Variants in IL17B observed in about 807,000 individuals in gnomAD.
IL17B encodes interleukin-17B.
Under a neutral mutation model 14.7 loss-of-function variants are expected in IL17B, and 14 were observed. The observed-to-expected ratio is 0.95, with a 90% CI of 0.63 to 1.49. The LOEUF is 1.49. Among genes scored for constraint, IL17B ranks in the 40% most tolerant of loss-of-function variants. IL17B has a pLI of 0.00. For missense variants in IL17B, 233 were observed against 252.8 expected, an observed-to-expected ratio of 0.92 and a Z score of 0.53; for synonymous variants, 105 against 94.8, an observed-to-expected ratio of 1.11 and a Z score of -0.62.
intron 1 of IL17B, among the ~76,000 whole-genome samples, chr5:149,386,808 C>A (rs762975492): frequency 6.6e-6 from 1 of 152,172 alleles, no homozygotes; most frequent in Admixed American, 6.5e-5. Context: ...CGGGTTCAAG[C>A]GATTCTCATG....
intron 1 of IL17B, among the ~76,000 whole-genome samples, chr5:149,387,877 G>A (rs924407024): frequency 1.3e-5 from 2 of 151,710 alleles, no homozygotes; most frequent in Non-Finnish European, 2.9e-5. Flanking sequence ...TTTTACAGAA[G>A]AAGAAATTGA....
chr5:149,377,871 T>C (rs2227451), intron 1 of IL17B, among the ~76,000 whole-genome samples: 46,664 of 151,672 alleles, frequency 0.31, 7,259 homozygotes, highest in African/African-American at 0.33. Context: ...TGGCCGGGCG[T>C]GGTGGCTCAC....
intron 1 of IL17B, among the ~76,000 whole-genome samples, chr5:149,393,753 C>T (rs998885548): frequency 1.3e-5 from 2 of 152,060 alleles, no homozygotes; most frequent in Non-Finnish European, 2.9e-5. Flanking sequence ...TTATTTAAGC[C>T]CCTGGATCCA....
Position 149,376,764 on chromosome 5 carries a change from T to C in IL17B, c.283A>G (p.Lys95Glu). Residue 95 changes from lysine (K) to glutamate (E), a missense_variant, in exon 2 of 3, where the codon AAG (lysine) becomes GAG (glutamate). Physicochemically the swap from Lys to Glu is moderately conservative, Grantham distance 56. Coordinates refer to ENST00000261796, the MANE Select transcript of IL17B (RefSeq NM_014443.3). ...EVNLQLWMSNKRSLSPWGYSI... is the reference protein window; with the variant it reads ...EVNLQLWMSNERSLSPWGYSI... ...TAGCCCCAGGGAGACAGGCTCCTCTTGTTGGACATCCACAGCTGCAAGTTG... is the reference window on the plus strand; with the variant it reads ...TAGCCCCAGGGAGACAGGCTCCTCTCGTTGGACATCCACAGCTGCAAGTTG... The C allele has an allele frequency of 6.2e-7, 1 of 1,612,450 alleles. No individual in the cohort carries two copies. Among genetic ancestry groups the C allele is most frequent in the Non-Finnish European group, 8.5e-7 (1 of 1,179,148 alleles).
At chr5:149,394,103 AAGAT>A (rs1241743181) in intron 1 of IL17B, among the ~76,000 whole-genome samples, 1 of 152,266 alleles carries the variant, frequency 6.6e-6, no homozygotes, top group East Asian at 1.9e-4. Context: ...TTGCCACAGT[AAGAT>A]AGGCAATAAA....
intron 1 of IL17B, among the ~76,000 whole-genome samples, chr5:149,388,936 G>A (rs1472644548): frequency 6.6e-6 from 1 of 152,162 alleles, no homozygotes; most frequent in Non-Finnish European, 1.5e-5. Context: ...TGTTAAATGA[G>A]GACAATGAGA....
At position 149,378,951 on chromosome 5, in the gene IL17B, G is replaced by A. The variant is rs374676080; in HGVS notation, c.21+254C>T. On this transcript the variant is annotated intron_variant, in intron 1 of 2. Transcript: ENST00000261796. ...AAAAACCCCGATAACTGAGTTTGCCGGGATCTCCCCAGACGCCTCTGGTCT... is the reference window on the plus strand; with the variant it reads ...AAAAACCCCGATAACTGAGTTTGCCAGGATCTCCCCAGACGCCTCTGGTCT... Among the ~76,000 whole-genome samples, 12 of 152,288 alleles carry A rather than the reference G, an allele frequency of 7.9e-5. No homozygotes were observed. In the East Asian group the frequency reaches 9.7e-4, roughly 12 times the overall value.
intron 1 of IL17B, among the ~76,000 whole-genome samples, chr5:149,395,884 G>C (rs1759083185): frequency 6.6e-6 from 1 of 152,096 alleles, no homozygotes; most frequent in Non-Finnish European, 1.5e-5. Context: ...TGTTGGCCAG[G>C]CTGGTCTTGA....
At chr5:149,377,563 C>G (rs1420317811) in intron 1 of IL17B, among the ~76,000 whole-genome samples, 3 of 152,166 alleles carry the variant, frequency 2.0e-5, no homozygotes, top group Non-Finnish European at 2.9e-5. Context: ...AATGGCTGTC[C>G]CCATCGCTGC....
At chr5:149,392,839 C>T (rs1038128070) in intron 1 of IL17B, among the ~76,000 whole-genome samples, 60 of 152,208 alleles carry the variant, frequency 3.9e-4, no homozygotes, top group African/African-American at 1.4e-3. Flanking sequence ...ACCTTTGAGT[C>T]AATAACGTCA....
chr5:149,400,585 AGTGGAG>A (rs2127623324), intron 1 of IL17B, among the ~76,000 whole-genome samples: 1 of 152,346 alleles, frequency 6.6e-6, no homozygotes, highest in East Asian at 1.9e-4. Context: ...TTCACATGAC[AGTGGAG>A]CTCCCCCTCC....
At chr5:149,383,877 C>T (rs985833279), upstream of IL17B, among the ~76,000 whole-genome samples, 3 of 152,208 alleles carry the variant, frequency 2.0e-5, no homozygotes, top group African/African-American at 7.2e-5. Flanking sequence ...TGGTCTTGTT[C>T]ACTGGAGACT....
intron 1 of IL17B, among the ~76,000 whole-genome samples, chr5:149,391,662 G>A (rs920812516): frequency 6.6e-6 from 1 of 152,152 alleles, no homozygotes. Context: ...CATCTCTCAA[G>A]TGTCATTCCT....
intron 1 of IL17B, among the ~76,000 whole-genome samples, chr5:149,378,173 G>A (rs1561711037): frequency 6.6e-6 from 1 of 152,136 alleles, no homozygotes; most frequent in Non-Finnish European, 1.5e-5. Flanking sequence ...TTGCTGAATC[G>A]AATGGAATGT....
At chr5:149,384,144 T>A (rs796981888), upstream of IL17B, among the ~76,000 whole-genome samples, 17 of 152,332 alleles carry the variant, frequency 1.1e-4, no homozygotes, top group African/African-American at 3.6e-4. Context: ...AAACTCTGGT[T>A]GTTGAAAATA....
intron 1 of IL17B, among the ~76,000 whole-genome samples, chr5:149,384,805 A>G (rs988089692): frequency 6.6e-6 from 1 of 152,154 alleles, no homozygotes; most frequent in African/African-American, 2.4e-5. Flanking sequence ...CTGCCCTGGA[A>G]AAGAGTGATC....
chr5:149,378,823 A>C (rs967907813), intron 1 of IL17B, among the ~76,000 whole-genome samples: 1 of 152,268 alleles, frequency 6.6e-6, no homozygotes, highest in African/African-American at 2.4e-5. Context: ...AACGTAGAAT[A>C]GAATCAAAGT....
At chr5:149,383,407 G>A (rs183466155), upstream of IL17B, among the ~76,000 whole-genome samples, 18 of 152,324 alleles carry the variant, frequency 1.2e-4, no homozygotes, top group African/African-American at 4.1e-4. Context: ...AGGCCAGGGG[G>A]ACCTGAAGGA....
chr5:149,399,877 G>C (rs1759173459), intron 1 of IL17B, among the ~76,000 whole-genome samples: 2 of 152,160 alleles, frequency 1.3e-5, no homozygotes, highest in Non-Finnish European at 2.9e-5. Flanking sequence ...TTGGTGGATT[G>C]GTGCTGCATC....
Sources: allele counts gnomAD v4.1 joint callset (sites outside exome capture counted in the v4.1 genomes callset), GRCh38; gene constraint gnomAD v4.1.1; transcripts MANE v1.5; gene names NCBI Gene and HGNC (gene_info 2026-07-23, HGNC 2026-07-21).